The following TAFA5 variants were observed in gnomAD, a reference collection of about 807,000 sequenced individuals.
The protein encoded by TAFA5 is TAFA chemokine like family member 5.
Under a neutral mutation model 15.3 loss-of-function variants are expected in TAFA5, and 6 were observed. That is an observed-to-expected ratio of 0.39 (90% CI 0.21 to 0.77). The LOEUF (loss-of-function observed/expected upper bound fraction) is 0.77, where lower values mean the gene tolerates loss of function less well. TAFA5 is among the 30% of genes least tolerant of loss of function. TAFA5 has a pLI of 0.41. For synonymous variants in TAFA5, 103 were observed against 80.7 expected (o/e 1.28, Z -1.48); for missense variants, 161 against 193.1 (o/e 0.83, Z 0.98).
chr22:48,584,137 ACC>A (rs1024402764), intron 1 of TAFA5, among the ~76,000 whole-genome samples: 1 of 136,414 alleles, frequency 7.3e-6, no homozygotes, highest in African/African-American at 2.8e-5. Context: ...ACATGCACAC[ACC>A]CCCCCACAAA....
intron 1 of TAFA5, among the ~76,000 whole-genome samples, chr22:48,574,196 G>C (rs1223787349): frequency 6.6e-6 from 1 of 152,254 alleles, no homozygotes; most frequent in Admixed American, 6.5e-5. Flanking sequence ...CAGATCCACA[G>C]CTGCTTAGTT....
At chr22:48,604,703 C>G (rs909251844) in intron 1 of TAFA5, among the ~76,000 whole-genome samples, 1 of 149,358 alleles carries the variant, frequency 6.7e-6, no homozygotes, top group Non-Finnish European at 1.5e-5. Flanking sequence ...TAGCTGCAGC[C>G]CATAGATTTT....
chr22:48,526,183 G>T (rs1238770620), intron 1 of TAFA5, among the ~76,000 whole-genome samples: 1 of 152,192 alleles, frequency 6.6e-6, no homozygotes, highest in East Asian at 1.9e-4. Flanking sequence ...TCCAGGGCTG[G>T]GACTCCGGTC....
chr22:48,654,701 G>A (rs867882345), intron 2 of TAFA5, among the ~76,000 whole-genome samples: 11 of 152,178 alleles, frequency 7.2e-5, no homozygotes, highest in East Asian at 1.9e-4. Flanking sequence ...TTTTTGAGCC[G>A]AATGACTCAA....
chr22:48,577,279 G>C (rs1203210342), intron 1 of TAFA5, among the ~76,000 whole-genome samples: 1 of 152,220 alleles, frequency 6.6e-6, no homozygotes, highest in Non-Finnish European at 1.5e-5. Flanking sequence ...TGGGGGCAGG[G>C]CCACACCTCC....
chr22:48,506,674 T>A (rs1227646777), intron 1 of TAFA5, among the ~76,000 whole-genome samples: 1 of 152,136 alleles, frequency 6.6e-6, no homozygotes, highest in Non-Finnish European at 1.5e-5. Flanking sequence ...CTGATGAGAA[T>A]GAAGAGGGAC....
intron 1 of TAFA5, among the ~76,000 whole-genome samples, chr22:48,527,345 T>C (rs939590252): frequency 2.6e-5 from 4 of 152,254 alleles, no homozygotes; most frequent in African/African-American, 9.6e-5. Flanking sequence ...CAGCTGGTAC[T>C]CCTGTGTTTC....
At chr22:48,599,175 T>C (rs1468535479) in intron 1 of TAFA5, among the ~76,000 whole-genome samples, 1 of 152,158 alleles carries the variant, frequency 6.6e-6, no homozygotes, top group Non-Finnish European at 1.5e-5. Flanking sequence ...TGGGTATTGG[T>C]GATTAACTCA....
In TAFA5 at chr22:48,694,625, C is replaced by CT. The variant is rs1376923314; in HGVS notation, c.263-13091dup. ...ATGTGCTGGTCACAAGTCACCAAGC[C>CT]TGTGGGTATCTGGTACTGCTCCCGG... On this transcript the variant is annotated intron_variant, in intron 2 of 3. Coordinates refer to ENST00000402357, the MANE Select transcript of TAFA5 (RefSeq NM_001082967.3). 4.7e-4 allele frequency among the ~76,000 whole-genome samples: 72 copies of CT among 152,156 alleles called. 2 individuals carry two copies. The highest frequency in any genetic ancestry group is 5.2e-4 in the Admixed American group (8 of 15,278).
At position 48,646,577 on chromosome 22, in the gene TAFA5, G is replaced by A. The variant is rs760554425; in HGVS notation, c.113-20G>A. 13 of 1,610,436 alleles carry A rather than the reference G, an allele frequency of 8.1e-6. No individual in the cohort carries two copies. The highest frequency in any genetic ancestry group is 2.2e-5 in the East Asian group (1 of 44,828). The stretch of plus-strand genomic sequence containing the variant: ...GTCTGTAACGTGTGGCCGCTCAGTC[G>A]CTTCTGCTCCTCTCTGCAGGTCAGC... On this transcript the variant is annotated intron_variant, in intron 1 of 3. Transcript: ENST00000402357.
At chr22:48,596,029 A>C (rs979614886) in intron 1 of TAFA5, among the ~76,000 whole-genome samples, 1 of 152,252 alleles carries the variant, frequency 6.6e-6, no homozygotes, top group Non-Finnish European at 1.5e-5. Flanking sequence ...TTAAGAAAGC[A>C]TGTTCCAAAG....
At chr22:48,580,870 C>T (rs765790018) in intron 1 of TAFA5, among the ~76,000 whole-genome samples, 34 of 152,284 alleles carry the variant, frequency 2.2e-4, no homozygotes, top group Admixed American at 1.3e-3. Context: ...TTCCCTAGCC[C>T]ACTTCCTGGG....
At chr22:48,744,267 T>A (rs1327159626) in intron 3 of TAFA5, among the ~76,000 whole-genome samples, 1 of 152,174 alleles carries the variant, frequency 6.6e-6, no homozygotes, top group Non-Finnish European at 1.5e-5. Context: ...GCGTTGAGCA[T>A]CGCTCTGTAG....
At chr22:48,616,155 G>A (rs1925596411) in intron 1 of TAFA5, among the ~76,000 whole-genome samples, 1 of 152,080 alleles carries the variant, frequency 6.6e-6, no homozygotes, top group Admixed American at 6.6e-5. Context: ...CCCCGGGGCT[G>A]CTCAGGAGTG....
At chr22:48,584,939 G>C (rs891515214) in intron 1 of TAFA5, among the ~76,000 whole-genome samples, 5 of 99,388 alleles carry the variant, frequency 5.0e-5, no homozygotes, top group African/African-American at 2.1e-4. Context: ...AAAATACACT[G>C]CACTGATATC....
intron 2 of TAFA5, among the ~76,000 whole-genome samples, chr22:48,683,655 T>C (rs1311436413): frequency 6.6e-6 from 1 of 152,246 alleles, no homozygotes; most frequent in Non-Finnish European, 1.5e-5. Context: ...TTCAACGCTT[T>C]CTATCACAGA....
At chr22:48,515,948 C>G (rs987822797) in intron 1 of TAFA5, among the ~76,000 whole-genome samples, 1 of 151,978 alleles carries the variant, frequency 6.6e-6, no homozygotes, top group African/African-American at 2.4e-5. Context: ...TCAGAGACCC[C>G]CACCCTACCC....
intron 3 of TAFA5, among the ~76,000 whole-genome samples, chr22:48,726,898 T>C (rs1929732349): frequency 6.6e-6 from 1 of 152,194 alleles, no homozygotes; most frequent in Non-Finnish European, 1.5e-5. Context: ...GGCTGGGGGC[T>C]CAGATGTTCC....
In TAFA5 at chr22:48,689,531, T is replaced by C. The variant is rs146388284; in HGVS notation, c.263-18186T>C. 4.0e-3 allele frequency among the ~76,000 whole-genome samples: 611 copies of C among 152,310 alleles called. 4 individuals carry two copies. The highest frequency in any genetic ancestry group is 0.014 in the African/African-American group (590 of 41,576). On this transcript the variant is annotated intron_variant, in intron 2 of 3. Transcript: ENST00000402357. The stretch of plus-strand genomic sequence containing the variant: ...TGCGCAGACTTGAGAGCAAGTCCTC[T>C]GGGTGGAGACAAAGTGGTGACGTGA...
Sources: allele counts gnomAD v4.1 joint callset (sites outside exome capture counted in the v4.1 genomes callset), GRCh38; gene constraint gnomAD v4.1.1; transcripts MANE v1.5; gene names NCBI Gene and HGNC (gene_info 2026-07-23, HGNC 2026-07-21).